The following LRRTM4 variants were observed in gnomAD, a reference collection of about 807,000 sequenced individuals.
The protein encoded by LRRTM4 is leucine-rich repeat transmembrane neuronal protein 4.
A neutral mutation model predicts 47.6 loss-of-function variants in LRRTM4; 25 were observed. The ratio of observed to expected loss-of-function variants is 0.53; its 90% CI spans 0.38 to 0.73. The LOEUF (loss-of-function observed/expected upper bound fraction) is 0.73. Ranked by LOEUF, LRRTM4 falls within the 30% of genes least tolerant of loss-of-function variation. LRRTM4 has a pLI of 0.00. For synonymous variants in LRRTM4, 311 were observed against 269.5 expected (o/e 1.15, Z -1.51); for missense variants, 638 against 713.4 (o/e 0.89, Z 1.20).
intron 3 of LRRTM4, among the ~76,000 whole-genome samples, chr2:76,774,352 C>T (rs908778214): frequency 6.7e-6 from 1 of 148,344 alleles, no homozygotes; most frequent in Non-Finnish European, 1.5e-5. Context: ...CCACCACTCC[C>T]AGATAATTTT....
intron 3 of LRRTM4, among the ~76,000 whole-genome samples, chr2:76,903,616 G>T (rs1673720298): frequency 6.6e-6 from 1 of 152,112 alleles, no homozygotes; most frequent in African/African-American, 2.4e-5. Context: ...TAATCTTGAT[G>T]GTGTTTGTTG....
At chr2:77,218,312 CA>C (rs760460647) in intron 3 of LRRTM4, among the ~76,000 whole-genome samples, 3 of 151,834 alleles carry the variant, frequency 2.0e-5, no homozygotes, top group African/African-American at 7.3e-5. Context: ...TTTTTTTCTA[CA>C]AAAAAACCTA....
chr2:76,792,213 T>G (rs1458474770), intron 3 of LRRTM4, among the ~76,000 whole-genome samples: 3 of 152,112 alleles, frequency 2.0e-5, no homozygotes, highest in Middle Eastern at 3.4e-3. Flanking sequence ...TATAATTATG[T>G]TTCAGAATTT....
intron 3 of LRRTM4, among the ~76,000 whole-genome samples, chr2:77,429,055 A>C (rs1422634217): frequency 6.6e-6 from 1 of 152,182 alleles, no homozygotes; most frequent in African/African-American, 2.4e-5. Flanking sequence ...TTTTATAAAT[A>C]ACCTAAAAGT....
chr2:77,087,261 G>C (rs1489097727), intron 3 of LRRTM4, among the ~76,000 whole-genome samples: 3 of 152,102 alleles, frequency 2.0e-5, no homozygotes, highest in South Asian at 4.1e-4. Context: ...GTGAATTGAT[G>C]AACTAGAAAC....
intron 3 of LRRTM4, among the ~76,000 whole-genome samples, chr2:76,957,583 T>C (rs1675714726): frequency 6.6e-6 from 1 of 151,792 alleles, no homozygotes; most frequent in Non-Finnish European, 1.5e-5. Context: ...ATCCCTGTTT[T>C]CTATTCCAGA....
chr2:77,082,506 C>A (rs1680564989), intron 3 of LRRTM4, among the ~76,000 whole-genome samples: 1 of 152,056 alleles, frequency 6.6e-6, no homozygotes, highest in African/African-American at 2.4e-5. Flanking sequence ...TTTTCAACAT[C>A]ACTTAAAGCC....
intron 3 of LRRTM4, among the ~76,000 whole-genome samples, chr2:76,898,892 G>A (rs1170686468): frequency 6.6e-6 from 1 of 151,636 alleles, no homozygotes; most frequent in Non-Finnish European, 1.5e-5. Context: ...TAGACCATTT[G>A]TTAATTTCTG....
intron 3 of LRRTM4, among the ~76,000 whole-genome samples, chr2:77,106,602 A>G (rs1249482514): frequency 2.0e-5 from 3 of 152,160 alleles, no homozygotes; most frequent in African/African-American, 7.2e-5. Context: ...AAACACTTGT[A>G]GTGAGATAGA....
Position 76,973,184 on chromosome 2 carries a change from T to C in LRRTM4, c.1552-224268A>G, listed in dbSNP as rs189163989. On this transcript the variant is annotated intron_variant, in intron 3 of 3. Transcript: ENST00000409884. The stretch of plus-strand genomic sequence containing the variant: ...GAGACTCTGACAAAGAGTTGGAAGA[T>C]CAGTGACACTGAATTACCATGATTA... Among the ~76,000 whole-genome samples, 336 of 152,122 alleles carry C rather than the reference T, an allele frequency of 2.2e-3. 6 individuals are homozygous for C. Among genetic ancestry groups the C allele is most frequent in the Non-Finnish European group, 3.1e-4 (21 of 67,956 alleles).
intron 3 of LRRTM4, among the ~76,000 whole-genome samples, chr2:76,903,233 A>G (rs1402157507): frequency 6.6e-6 from 1 of 151,862 alleles, no homozygotes; most frequent in Admixed American, 6.6e-5. Flanking sequence ...AAATAAAAAA[A>G]GAAAAACAAG....
chr2:77,280,918 T>A (rs1043496409), intron 3 of LRRTM4, among the ~76,000 whole-genome samples: 2 of 152,012 alleles, frequency 1.3e-5, no homozygotes, highest in African/African-American at 4.8e-5. Context: ...ATCAGAAGAC[T>A]TGTCAAATGC....
intron 3 of LRRTM4, among the ~76,000 whole-genome samples, chr2:76,962,329 G>C (rs756720479): frequency 6.6e-6 from 1 of 151,128 alleles, no homozygotes; most frequent in East Asian, 1.9e-4. Flanking sequence ...ATGTGTAGCA[G>C]TGGTTACAAA....
At position 77,418,456 on chromosome 2, in the gene LRRTM4, C is replaced by T. The variant is rs186074954; in HGVS notation, c.1551+99862G>A. The stretch of plus-strand genomic sequence containing the variant: ...TGGTGCTCCATCCCCGAGCATATGC[C>T]CTTGACTTATTTTGAATCACAGAGA... On this transcript the variant is annotated intron_variant, in intron 3 of 3. Coordinates refer to ENST00000409884, the MANE Select transcript of LRRTM4 (RefSeq NM_001134745.3). Among the ~76,000 whole-genome samples the T allele has an allele frequency of 3.5e-4, 53 of 152,178 alleles. 1 individual carries two copies. The East Asian group carries it at 6.4e-3, about 18-fold the overall frequency.
At chr2:76,927,653 A>G (rs1176769953) in intron 3 of LRRTM4, among the ~76,000 whole-genome samples, 1 of 152,140 alleles carries the variant, frequency 6.6e-6, no homozygotes, top group Non-Finnish European at 1.5e-5. Flanking sequence ...TAATTAACAA[A>G]CTAAGAGGTA....
At chr2:77,411,460 T>A (rs1444969643) in intron 3 of LRRTM4, among the ~76,000 whole-genome samples, 1 of 142,268 alleles carries the variant, frequency 7.0e-6, no homozygotes, top group Non-Finnish European at 1.5e-5. Flanking sequence ...TCTTTTTTTT[T>A]TTTTTTTTTT....
At chr2:77,188,410 C>T (rs1182517011) in intron 3 of LRRTM4, among the ~76,000 whole-genome samples, 1 of 152,168 alleles carries the variant, frequency 6.6e-6, no homozygotes, top group Admixed American at 6.6e-5. Flanking sequence ...ATTCTCTACT[C>T]CTAGTTTCAT....
chr2:77,207,503 T>G (rs908647617), intron 3 of LRRTM4, among the ~76,000 whole-genome samples: 2 of 151,828 alleles, frequency 1.3e-5, no homozygotes, highest in Non-Finnish European at 2.9e-5. Flanking sequence ...AGTGAGCTTA[T>G]AATTGATGCT....
rs1553398065 is a variant in LRRTM4 at position 77,145,800 on chromosome 2, T to TAAATAAATAAATAAATAAAA, written c.1551+372517_1551+372518insTTTTATTTATTTATTTATTT. Among the ~76,000 whole-genome samples the TAAATAAATAAATAAATAAAA allele has an allele frequency of 1.1e-3, 162 of 150,872 alleles. 1 individual carries two copies. The highest frequency in any genetic ancestry group is 3.7e-3 in the African/African-American group (151 of 41,204). ...AAAAATAAATAAATAAATAAATAAA[T>TAAATAAATAAATAAATAAAA]AAATAAAATAAAAATAAAAATTGTA... On this transcript the variant is annotated intron_variant, in intron 3 of 3. Transcript: ENST00000409884.
Sources: allele counts gnomAD v4.1 joint callset (sites outside exome capture counted in the v4.1 genomes callset), GRCh38; gene constraint gnomAD v4.1.1; transcripts MANE v1.5; gene names NCBI Gene and HGNC (gene_info 2026-07-23, HGNC 2026-07-21).